Variants in PDE10A observed in about 807,000 individuals in gnomAD.
PDE10A encodes the protein phosphodiesterase 10A.
Under a neutral mutation model 97.7 loss-of-function variants are expected in PDE10A, and 39 were observed. The ratio of observed to expected loss-of-function variants is 0.40; its 90% CI spans 0.31 to 0.52. The LOEUF (loss-of-function observed/expected upper bound fraction) is 0.52. Ranked by LOEUF, PDE10A falls within the 20% of genes least tolerant of loss-of-function variation. The pLI, the probability that PDE10A is intolerant of heterozygous loss-of-function variation, is 0.56. For missense variants in PDE10A, 731 were observed against 1,047.8 expected (o/e 0.70, Z 4.17); for synonymous variants, 371 against 376.8 (o/e 0.98, Z 0.18).
intron 1 of PDE10A, among the ~76,000 whole-genome samples, chr6:165,974,936 G>GCC: frequency 6.6e-6 from 1 of 152,162 alleles, no homozygotes; most frequent in South Asian, 2.1e-4. Flanking sequence ...GGGAGTGTCT[G>GCC]CCTTTGGGAT....
At chr6:165,632,805 C>T (rs62424874) in intron 1 of PDE10A, among the ~76,000 whole-genome samples, 21,124 of 152,138 alleles carry the variant, frequency 0.14, 1,874 homozygotes, top group Non-Finnish European at 0.19. Context: ...ATGAACTTCT[C>T]AGGGAACACC....
intron 1 of PDE10A, among the ~76,000 whole-genome samples, chr6:165,793,498 T>C (rs1019974757): frequency 6.6e-6 from 1 of 151,898 alleles, no homozygotes; most frequent in Non-Finnish European, 1.5e-5. Flanking sequence ...GGGCGTGGGG[T>C]GCAACTGCAC....
At chr6:165,886,694 T>C (rs1047776227) in intron 1 of PDE10A, among the ~76,000 whole-genome samples, 1 of 152,234 alleles carries the variant, frequency 6.6e-6, no homozygotes, top group Non-Finnish European at 1.5e-5. Flanking sequence ...TCAGATTTAC[T>C]CTGTGAGCAC....
chr6:165,337,469 G>A (rs1999548), intron 20 of PDE10A, among the ~76,000 whole-genome samples: 15,298 of 152,184 alleles, frequency 0.1, 881 homozygotes, highest in Middle Eastern at 0.2. Flanking sequence ...CTAGAATAGC[G>A]CCTGTGTTAT....
chr6:165,490,065 T>C (rs529097633), intron 2 of PDE10A, among the ~76,000 whole-genome samples: 4 of 152,350 alleles, frequency 2.6e-5, no homozygotes, highest in African/African-American at 9.6e-5. Flanking sequence ...GCTAGAGATC[T>C]AGACATCCAA....
At chr6:165,784,757 A>G (rs1778449909) in intron 1 of PDE10A, among the ~76,000 whole-genome samples, 1 of 152,128 alleles carries the variant, frequency 6.6e-6, no homozygotes. Context: ...TGGCATCCGT[A>G]ATAGGGTTTG....
At chr6:165,460,920 A>G (rs1048840706) in intron 3 of PDE10A, among the ~76,000 whole-genome samples, 3 of 152,234 alleles carry the variant, frequency 2.0e-5, no homozygotes, top group African/African-American at 4.8e-5. Context: ...AGTTCCTGCC[A>G]AAAATTAGGA....
rs1411616627 is a variant in PDE10A at position 165,599,041 on chromosome 6, T to C, written c.866-55473A>G. Among the ~76,000 whole-genome samples the C allele has an allele frequency of 2.6e-5, 4 of 152,206 alleles. No individual in the cohort carries two copies. The East Asian group carries it at 7.7e-4, about 29-fold the overall frequency. The stretch of plus-strand genomic sequence containing the variant: ...TTAGTACTTCCAGATCAGCCTTAAC[T>C]GTAAGCTAGACATTCTCATATATTC... On this transcript the variant is annotated intron_variant, in intron 1 of 21. Coordinates refer to ENST00000539869, the MANE Select transcript of PDE10A (RefSeq NM_001385079.1).
intron 1 of PDE10A, among the ~76,000 whole-genome samples, chr6:165,782,369 G>A (rs1247292904): frequency 2.0e-5 from 3 of 152,128 alleles, no homozygotes; most frequent in Non-Finnish European, 4.4e-5. Context: ...CATTTATTGG[G>A]CCATCTTCAC....
intron 1 of PDE10A, among the ~76,000 whole-genome samples, chr6:165,782,407 G>T (rs1778364132): frequency 6.6e-6 from 1 of 152,188 alleles, no homozygotes; most frequent in African/African-American, 2.4e-5. Flanking sequence ...CCTCGTCAGA[G>T]TCCACAGCAG....
intron 1 of PDE10A, among the ~76,000 whole-genome samples, chr6:165,957,059 C>T (rs1036703159): frequency 1.3e-5 from 2 of 152,126 alleles, no homozygotes; most frequent in African/African-American, 4.8e-5. Flanking sequence ...AGAAAAATGA[C>T]CTCCTGGCTA....
chr6:165,435,337 T>C lies in PDE10A; in HGVS notation c.1235A>G (p.Lys412Arg). 1.2e-6 allele frequency: 2 copies of C among 1,614,040 alleles called. No homozygotes were observed. Among genetic ancestry groups the C allele is most frequent in the Non-Finnish European group, 1.7e-6 (2 of 1,179,958 alleles). Residue 412 changes from lysine (K) to arginine (R), a missense_variant, in exon 6 of 22, where the codon AAA (lysine) becomes AGA (arginine). Transcript: ENST00000539869. ...IFTPPGIKEGKPRLIPAGPIT... is the reference protein window; with the variant it reads ...IFTPPGIKEGRPRLIPAGPIT... The stretch of plus-strand genomic sequence containing the variant: ...GGGCCCAGCAGGGATGAGGCGGGGT[T>C]TTCCTTCCTTTATCCCAGGTGGCGT...
At chr6:165,854,199 A>G (rs1173126418) in intron 1 of PDE10A, among the ~76,000 whole-genome samples, 1 of 152,188 alleles carries the variant, frequency 6.6e-6, no homozygotes, top group African/African-American at 2.4e-5. Flanking sequence ...ATGAACCCGG[A>G]GACCCGGCAG....
At chr6:165,919,660 G>A (rs1782703117) in intron 1 of PDE10A, among the ~76,000 whole-genome samples, 1 of 152,140 alleles carries the variant, frequency 6.6e-6, no homozygotes, top group Non-Finnish European at 1.5e-5. Flanking sequence ...CTTGTGGCCT[G>A]TGCAGAAATA....
intron 1 of PDE10A, among the ~76,000 whole-genome samples, chr6:165,602,776 T>G (rs1019938666): frequency 3.3e-5 from 5 of 152,304 alleles, no homozygotes; most frequent in Admixed American, 2.0e-4. Flanking sequence ...TCACACCTCA[T>G]GCCTACCTAC....
At chr6:165,897,134 A>G (rs575105692) in intron 1 of PDE10A, among the ~76,000 whole-genome samples, 11 of 152,268 alleles carry the variant, frequency 7.2e-5, no homozygotes, top group Non-Finnish European at 1.5e-4. Context: ...AGCAAACGGA[A>G]CTTCCTGGTG....
intron 1 of PDE10A, among the ~76,000 whole-genome samples, chr6:165,812,654 G>A (rs1779311925): frequency 6.6e-6 from 1 of 152,158 alleles, no homozygotes; most frequent in African/African-American, 2.4e-5. Context: ...TGAAATATAA[G>A]TTAGACATCT....
intron 1 of PDE10A, among the ~76,000 whole-genome samples, chr6:165,986,941 C>T (rs1017009252): frequency 1.4e-5 from 2 of 145,066 alleles, no homozygotes; most frequent in African/African-American, 5.2e-5. Context: ...TCCCCTATGA[C>T]ATCACAGGAT....
At chr6:165,500,039 G>A (rs896972549) in intron 2 of PDE10A, among the ~76,000 whole-genome samples, 7 of 152,202 alleles carry the variant, frequency 4.6e-5, no homozygotes, top group Admixed American at 2.6e-4. Context: ...AACAAGGCAA[G>A]AGCATCTGAT....
Sources: allele counts gnomAD v4.1 joint callset (sites outside exome capture counted in the v4.1 genomes callset), GRCh38; gene constraint gnomAD v4.1.1; transcripts MANE v1.5; gene names NCBI Gene and HGNC (gene_info 2026-07-23, HGNC 2026-07-21).